The following PDE4D variants were observed in gnomAD, a reference collection of about 807,000 sequenced individuals.
The protein encoded by PDE4D is 3',5'-cyclic-AMP phosphodiesterase 4D.
In PDE4D, 24 loss-of-function variants were observed where a neutral mutation model predicts 87.4. The observed-to-expected ratio is 0.27, with a 90% CI of 0.20 to 0.39. PDE4D has a LOEUF of 0.39. Among genes scored for constraint, PDE4D ranks in the 10% least tolerant of loss-of-function variants. PDE4D has a pLI of 1.00. For synonymous variants in PDE4D, 384 were observed against 383.2 expected (o/e 1.00, Z -0.02); for missense variants, 714 against 1,041.0 (o/e 0.69, Z 4.32).
At chr5:59,217,259 C>T in intron 1 of PDE4D, 2 of 455,862 alleles carry the variant, frequency 4.4e-6, no homozygotes, top group Non-Finnish European at 8.8e-6. Context: ...TAAAGAAAAA[C>T]TTGTTGAAAG....
chr5:59,762,146 ATGTG>A (rs563319897), intron 1 of PDE4D, among the ~76,000 whole-genome samples: 3 of 150,732 alleles, frequency 2.0e-5, no homozygotes, highest in Non-Finnish European at 2.9e-5. Flanking sequence ...AGATATATAT[ATGTG>A]TGTGTGTGTA....
At chr5:59,537,248 C>T (rs1815450725) in intron 1 of PDE4D, among the ~76,000 whole-genome samples, 1 of 152,160 alleles carries the variant, frequency 6.6e-6, no homozygotes, top group Non-Finnish European at 1.5e-5. Flanking sequence ...TAACTGTCTG[C>T]CTGTAGTCTA....
Position 59,786,518 on chromosome 5 carries a change from C to T in PDE4D, c.455+106650G>A, listed in dbSNP as rs114163482. ...AAAACCTCAGCTTCCTGAGGCTATCCGAGTGATGATGAAGCACTTGGAATT... is the reference window on the plus strand; with the variant it reads ...AAAACCTCAGCTTCCTGAGGCTATCTGAGTGATGATGAAGCACTTGGAATT... On this transcript the variant is annotated intron_variant, in intron 1 of 14. Transcript: ENST00000340635. Among the ~76,000 whole-genome samples the T allele has an allele frequency of 3.6e-3, 552 of 152,288 alleles. 4 individuals carry two copies. Among genetic ancestry groups the T allele is most frequent in the African/African-American group, 0.013 (529 of 41,548 alleles).
chr5:59,882,844 C>T (rs1460350725), intron 1 of PDE4D, among the ~76,000 whole-genome samples: 2 of 150,460 alleles, frequency 1.3e-5, no homozygotes, highest in Non-Finnish European at 2.9e-5. Context: ...GTGGCGCGAT[C>T]TTGGCTCACT....
At chr5:59,626,317 G>A (rs541399131) in intron 1 of PDE4D, among the ~76,000 whole-genome samples, 32 of 152,272 alleles carry the variant, frequency 2.1e-4, no homozygotes, top group Non-Finnish European at 2.5e-4. Flanking sequence ...ATTTCATAAA[G>A]TTTATGTGTA....
chr5:59,938,877 C>T (rs1756892863), intron 3 of PDE4D, among the ~76,000 whole-genome samples: 1 of 152,172 alleles, frequency 6.6e-6, no homozygotes, highest in East Asian at 1.9e-4. Context: ...GAGACTTCTA[C>T]TGGTCACATG....
chr5:58,988,456 G>A lies in PDE4D; in HGVS notation c.1552+37C>T, dbSNP rs3805556. ...CCCTTAGTCATTCTAAAATGTACAA[G>A]GGAAAAATGTGTTCTGAAAAAATAA... On this transcript the variant is annotated intron_variant, in intron 11 of 14. Transcript: ENST00000340635. 755,749 of 886,478 alleles carry A rather than the reference G, an allele frequency of 0.85. 322,541 individuals carry two copies. The highest frequency in any genetic ancestry group is 0.91 in the Admixed American group (31,220 of 34,434). The allele number at this position is 886,478 out of a possible 1,614,324, so 54.9% of individuals were successfully genotyped here. A position where few individuals can be genotyped will look rare whatever the true frequency, so the allele number is the denominator to read the frequency against.
intron 1 of PDE4D, among the ~76,000 whole-genome samples, chr5:60,447,413 G>T (rs1745730070): frequency 1.3e-5 from 2 of 152,128 alleles, no homozygotes; most frequent in Non-Finnish European, 2.9e-5. Context: ...GCCTTTGCAG[G>T]TTTATCTTTG....
At chr5:59,902,762 T>A (rs114408447) in intron 3 of PDE4D, among the ~76,000 whole-genome samples, 2,314 of 151,980 alleles carry the variant, frequency 0.015, 58 homozygotes, top group African/African-American at 0.053. Context: ...CCATGTGGAG[T>A]TGAATATCTC....
At chr5:60,509,377 T>TAAG (rs1750469055) in intron 1 of PDE4D, among the ~76,000 whole-genome samples, 1 of 152,208 alleles carries the variant, frequency 6.6e-6, no homozygotes, top group Admixed American at 6.5e-5. Flanking sequence ...TGCTTAAATT[T>TAAG]TTCACTGCTT....
chr5:60,453,123 T>G (rs558712462), intron 1 of PDE4D, among the ~76,000 whole-genome samples: 1 of 152,274 alleles, frequency 6.6e-6, no homozygotes, highest in Admixed American at 6.5e-5. Context: ...GCAGCTCAGA[T>G]CAGCTCTTTA....
chr5:59,995,018 A>G (rs926394532), intron 2 of PDE4D, among the ~76,000 whole-genome samples: 2 of 152,182 alleles, frequency 1.3e-5, no homozygotes, highest in Non-Finnish European at 2.9e-5. Context: ...AATCACCAGT[A>G]TATGATCAAA....
In PDE4D at chr5:59,624,844, T is replaced by C. The variant is rs530019352; in HGVS notation, c.455+268324A>G. Among the ~76,000 whole-genome samples, 17 of 152,298 alleles carry C rather than the reference T, an allele frequency of 1.1e-4. No individual in the cohort carries two copies. The South Asian group carries it at 3.3e-3, about 30-fold the overall frequency. On this transcript the variant is annotated intron_variant, in intron 1 of 14. Coordinates refer to ENST00000340635, the MANE Select transcript of PDE4D (RefSeq NM_001104631.2). ...AAAGTCAACATGTGACCAAGCTTTT[T>C]GGCTGTGATTATTGTCTTTCTTAGC...
chr5:59,360,402 A>C (rs1423345153), intron 1 of PDE4D, among the ~76,000 whole-genome samples: 1 of 152,064 alleles, frequency 6.6e-6, no homozygotes, highest in Non-Finnish European at 1.5e-5. Context: ...CTGGTTACAG[A>C]CTCAAAGCCA....
intron 1 of PDE4D, among the ~76,000 whole-genome samples, chr5:59,472,040 G>A (rs973790560): frequency 1.3e-5 from 2 of 152,142 alleles, no homozygotes; most frequent in African/African-American, 2.4e-5. Flanking sequence ...GTAGGGAGAT[G>A]TGAAAAACAC....
chr5:60,366,422 A>C (rs905976896), intron 1 of PDE4D, among the ~76,000 whole-genome samples: 11 of 152,204 alleles, frequency 7.2e-5, no homozygotes, highest in Admixed American at 7.2e-4. Context: ...TTCAAGCATA[A>C]GGCACTTGGG....
chr5:59,717,135 C>CAA (rs1755148454), intron 1 of PDE4D, among the ~76,000 whole-genome samples: 1 of 152,148 alleles, frequency 6.6e-6, no homozygotes, highest in Non-Finnish European at 1.5e-5. Context: ...GTTCTCCTGC[C>CAA]TTTATTCTCT....
At chr5:60,324,413 G>A (rs780785772) in intron 1 of PDE4D, among the ~76,000 whole-genome samples, 4 of 152,148 alleles carry the variant, frequency 2.6e-5, no homozygotes, top group South Asian at 2.1e-4. Context: ...AAGATGACAG[G>A]TCTCAAAAAG....
chr5:59,793,614 T>C (rs1179269432), intron 1 of PDE4D, among the ~76,000 whole-genome samples: 1 of 152,228 alleles, frequency 6.6e-6, no homozygotes, highest in Non-Finnish European at 1.5e-5. Flanking sequence ...GATTCATTCA[T>C]AATGGTTCAA....
Sources: gnomAD v4.1 joint callset for allele counts (sites outside exome capture counted in the v4.1 genomes callset) on GRCh38, gnomAD v4.1.1 for gene constraint, MANE v1.5 for transcripts, NCBI Gene and HGNC (gene_info 2026-07-23, HGNC 2026-07-21) for gene names.